The following AGO3 variants were observed in gnomAD, a reference collection of about 807,000 sequenced individuals.
The protein encoded by AGO3 is argonaute RISC catalytic component 3.
AGO3 carries 16 observed loss-of-function variants against 105.5 expected under a neutral mutation model. The ratio of observed to expected loss-of-function variants is 0.15; its 90% CI spans 0.10 to 0.23. The LOEUF is 0.23. Among genes scored for constraint, AGO3 ranks in the 10% least tolerant of loss-of-function variants. AGO3 has a pLI of 1.00. For missense variants in AGO3, 534 were observed against 1,088.0 expected (o/e 0.49, Z 7.16); for synonymous variants, 340 against 367.3 (o/e 0.93, Z 0.85).
chr1:36,048,104 C>T (rs1642553574), intron 17 of AGO3, among the ~76,000 whole-genome samples: 1 of 151,834 alleles, frequency 6.6e-6, no homozygotes, highest in Non-Finnish European at 1.5e-5. Context: ...GATTTCTCCA[C>T]AGAAACCTTA....
intron 5 of AGO3, among the ~76,000 whole-genome samples, chr1:35,980,311 CAT>C (rs1246599050): frequency 6.6e-6 from 1 of 152,206 alleles, no homozygotes; most frequent in Non-Finnish European, 1.5e-5. Context: ...ACCTGTTGCA[CAT>C]GAGGTGCAGT....
At position 36,059,255 on chromosome 1, in the gene AGO3, T is replaced by G. The variant is rs926066469; in HGVS notation, c.*3510T>G. On this transcript the variant is annotated 3_prime_UTR_variant, in exon 19 of 19. Coordinates refer to ENST00000373191, the MANE Select transcript of AGO3 (RefSeq NM_024852.4). ...CTATATTTCTATTTTGCTAACAAAT[T>G]GGTATATTAATTACCATTGGTTCTT... 3.3e-5 allele frequency: 5 copies of G among 152,156 alleles called. No individual in the cohort carries two copies. The highest frequency in any genetic ancestry group is 1.2e-4 in the African/African-American group (5 of 41,450). 9.4% of individuals were successfully genotyped at this position (152,156 alleles called of 1,614,324 possible).
intron 11 of AGO3, among the ~76,000 whole-genome samples, chr1:36,022,593 G>A (rs1641285639): frequency 6.6e-6 from 1 of 152,006 alleles, no homozygotes. Context: ...AGATCCCATT[G>A]ATCATCCAAT....
intron 2 of AGO3, among the ~76,000 whole-genome samples, chr1:35,963,803 C>T (rs1195614710): frequency 4.6e-5 from 7 of 152,070 alleles, no homozygotes; most frequent in East Asian, 3.8e-4. Context: ...ACTGCAAAGA[C>T]GTGGTGTCAA....
At chr1:35,945,485 C>T (rs1012132799) in intron 1 of AGO3, among the ~76,000 whole-genome samples, 17 of 152,108 alleles carry the variant, frequency 1.1e-4, no homozygotes, top group African/African-American at 3.9e-4. Flanking sequence ...AACAGTTTTC[C>T]AGAGGCATAC....
At chr1:35,984,250 C>T (rs1455222835) in intron 5 of AGO3, among the ~76,000 whole-genome samples, 1 of 152,172 alleles carries the variant, frequency 6.6e-6, no homozygotes, top group South Asian at 2.1e-4. Context: ...AGGAGGATAG[C>T]CTAAGCCCCA....
intron 5 of AGO3, among the ~76,000 whole-genome samples, chr1:36,001,296 A>G (rs1640071139): frequency 6.6e-6 from 1 of 152,132 alleles, no homozygotes; most frequent in Non-Finnish European, 1.5e-5. Flanking sequence ...ATACCAAAAA[A>G]ATAAATACAT....
intron 1 of AGO3, among the ~76,000 whole-genome samples, chr1:35,938,991 T>G (rs971141004): frequency 1.3e-5 from 2 of 152,180 alleles, no homozygotes; most frequent in Non-Finnish European, 2.9e-5. Flanking sequence ...GAAATTTAGT[T>G]TGGTTAGTTA....
intron 11 of AGO3, among the ~76,000 whole-genome samples, chr1:36,025,227 A>AT (rs1288208733): frequency 6.6e-6 from 1 of 152,050 alleles, no homozygotes; most frequent in African/African-American, 2.4e-5. Flanking sequence ...GAGAAATAAA[A>AT]TTTTTTTCTA....
chr1:35,945,702 G>C lies in AGO3; in HGVS notation c.30G>C (p.Gly10=). 6.2e-7 allele frequency: 1 copy of C among 1,612,166 alleles called. No homozygotes were observed. The highest frequency in any genetic ancestry group is 8.5e-7 in the Non-Finnish European group (1 of 1,179,824). MEIGSAGPA[G]AQPLLMVPRR... ...CCTTTCCCCTGGCAGGACCCGCTGG[G>C]GCCCAGCCCCTACTCATGGTGCCCA... Residue 10 remains glycine, a synonymous_variant, in exon 2 of 19, where the codon GGG becomes GGC. Transcript: ENST00000373191.
chr1:35,936,062 G>C (rs1231986115), intron 1 of AGO3, among the ~76,000 whole-genome samples: 1 of 152,142 alleles, frequency 6.6e-6, no homozygotes, highest in Non-Finnish European at 1.5e-5. Flanking sequence ...TAATTCAGTT[G>C]TCTTGGATAC....
intron 5 of AGO3, among the ~76,000 whole-genome samples, chr1:35,997,887 G>C (rs569129695): frequency 1.3e-5 from 2 of 152,138 alleles, no homozygotes; most frequent in South Asian, 2.1e-4. Flanking sequence ...AGTAGAGACA[G>C]GGTTTCACCA....
chr1:35,989,999 C>T (rs688833), intron 5 of AGO3, among the ~76,000 whole-genome samples: 36,031 of 152,012 alleles, frequency 0.24, 7,058 homozygotes, highest in East Asian at 0.69. Flanking sequence ...ATTATTAATA[C>T]TACAGTGTTG....
chr1:36,035,760 C>T (rs745628433), intron 13 of AGO3, among the ~76,000 whole-genome samples: 8 of 152,022 alleles, frequency 5.3e-5, no homozygotes, highest in East Asian at 1.9e-4. Context: ...TGGCCGGGTG[C>T]GGTGGCTCAC....
intron 5 of AGO3, among the ~76,000 whole-genome samples, chr1:35,986,578 A>G (rs544252133): frequency 6.6e-6 from 1 of 152,108 alleles, no homozygotes; most frequent in East Asian, 1.9e-4. Flanking sequence ...AATCCCAGCT[A>G]CTTGGGGGTT....
At chr1:36,040,088 CA>C in intron 15 of AGO3, 104 bp downstream of exon 15, 1 of 1,293,734 alleles carries the variant, frequency 7.7e-7, no homozygotes. Flanking sequence ...TTCCCCAAGT[CA>C]AAACTTGGTG....
At position 36,071,007 on chromosome 1, in the gene AGO3, C is replaced by A. The variant is rs900180060; in HGVS notation, c.*15262C>A. On this transcript the variant is annotated 3_prime_UTR_variant, in exon 19 of 19. Coordinates refer to ENST00000373191, the MANE Select transcript of AGO3 (RefSeq NM_024852.4). ...TCAATATTTTATGTTTATAACTCTG[C>A]GTATTAAGTTTATATAGAAAAAAAT... 1 of 151,990 alleles carries A rather than the reference C, an allele frequency of 6.6e-6. No individual in the cohort carries two copies. The allele number at this position is 151,990 out of a possible 1,614,324, so 9.4% of individuals were successfully genotyped here.
chr1:35,937,300 G>T (rs2148740743), intron 1 of AGO3, among the ~76,000 whole-genome samples: 1 of 151,900 alleles, frequency 6.6e-6, no homozygotes, highest in African/African-American at 2.4e-5. Flanking sequence ...CTACTCGGGA[G>T]GCTGAGGCAG....
chr1:35,989,034 A>C (rs1367513437), intron 5 of AGO3, among the ~76,000 whole-genome samples: 1 of 152,178 alleles, frequency 6.6e-6, no homozygotes, highest in Non-Finnish European at 1.5e-5. Flanking sequence ...GCCTTTATTG[A>C]ACTTGAAATC....
Sources: allele counts gnomAD v4.1 joint callset (sites outside exome capture counted in the v4.1 genomes callset), GRCh38; gene constraint gnomAD v4.1.1; transcripts MANE v1.5; gene names NCBI Gene and HGNC (gene_info 2026-07-23, HGNC 2026-07-21).